KIRREL3: variants seen among roughly 807,000 people sequenced by gnomAD.
KIRREL3 encodes kirre like nephrin family adhesion molecule 3, also known as kin of IRRE-like protein 3.
A neutral mutation model predicts 89.7 loss-of-function variants in KIRREL3; 36 were observed. That is an observed-to-expected ratio of 0.40 (90% CI 0.31 to 0.53). The LOEUF is 0.53. Among genes scored for constraint, KIRREL3 ranks in the 20% least tolerant of loss-of-function variants. KIRREL3 has a pLI of 0.49. For synonymous variants in KIRREL3, 445 were observed against 441.4 expected (o/e 1.01, Z -0.10); for missense variants, 864 against 1,056.6 (o/e 0.82, Z 2.53).
intron 1 of KIRREL3, among the ~76,000 whole-genome samples, chr11:126,743,439 A>G (rs890338461): frequency 1.3e-5 from 2 of 152,246 alleles, no homozygotes; most frequent in Admixed American, 1.3e-4. Context: ...CATCCATGCT[A>G]TCAGAGGTAT....
rs551174412 is a variant in KIRREL3, at chr11:126,569,899, T to C, written c.56-6987A>G. Among the ~76,000 whole-genome samples, 1 of 152,294 alleles carries C rather than the reference T, an allele frequency of 6.6e-6. No homozygotes were observed. Among genetic ancestry groups the C allele is most frequent in the East Asian group, 1.9e-4 (1 of 5,186 alleles). ...CTGATTGCAGAATGATGGGGTCTTC[T>C]GTTTGGAAAGTTTTCACTTTGATTC... On this transcript the variant is annotated intron_variant, in intron 1 of 16. Transcript: ENST00000525144. The surrounding 1 kb of genome is among the most constrained non-coding windows in gnomAD (Gnocchi z 6.5).
Position 126,476,651 on chromosome 11 carries a change from T to TGGGGGTGGGGGCTGGGG in KIRREL3, c.434-3202_434-3186dup, listed in dbSNP as rs1447848541. ...GGTCTTCGCTTCACTGCACACCAGA[T>TGGGGGTGGGGGCTGGGG]GGGGGTGGGGGCTGGGGGGGGGTGG... On this transcript the variant is annotated intron_variant, in intron 4 of 16. Transcript: ENST00000525144. This position sits in a 1 kb window ranked among gnomAD's most constrained non-coding sequence, Gnocchi z 6.4. Among the ~76,000 whole-genome samples, 1 of 7,298 alleles carries TGGGGGTGGGGGCTGGGG rather than the reference T, an allele frequency of 1.4e-4. No homozygotes were observed. The highest frequency in any genetic ancestry group is 4.8e-3 in the South Asian group (1 of 208). The allele number at this position is 7,298 out of a possible 152,430, so 4.8% of individuals were successfully genotyped here.
chr11:126,792,035 C>A (rs1179958631), intron 1 of KIRREL3, among the ~76,000 whole-genome samples: 1 of 152,180 alleles, frequency 6.6e-6, no homozygotes, highest in Non-Finnish European at 1.5e-5. Context: ...CCAACCCCAG[C>A]CTCCCTTTTG....
Position 126,923,176 on chromosome 11 carries a change from C to CTTCTTCTTCTCT in KIRREL3, c.55+77278_55+77279insAGAGAAGAAGAA, listed in dbSNP as rs766266024. 5.6e-3 allele frequency among the ~76,000 whole-genome samples: 101 copies of CTTCTTCTTCTCT among 17,992 alleles called. 21 individuals are homozygous for CTTCTTCTTCTCT. Among genetic ancestry groups the CTTCTTCTTCTCT allele is most frequent in the African/African-American group, 0.012 (51 of 4,260 alleles). The allele number at this position is 17,992 out of a possible 152,430, so 11.8% of individuals were successfully genotyped here. A position where few individuals can be genotyped will look rare whatever the true frequency, so the allele number is the denominator to read the frequency against. ...TCTTCTTCTTCTTCTTCTTCTTCTT[C>CTTCTTCTTCTCT]TCTTCTTCTTCTCTTCTTCTTCTTC... On this transcript the variant is annotated intron_variant, in intron 1 of 16. Coordinates refer to ENST00000525144, the MANE Select transcript of KIRREL3 (RefSeq NM_032531.4).
chr11:126,451,027 G>C (rs908222043), intron 7 of KIRREL3, among the ~76,000 whole-genome samples: 1 of 151,796 alleles, frequency 6.6e-6, no homozygotes, highest in Non-Finnish European at 1.5e-5. Flanking sequence ...GTGTCCATGT[G>C]CATGTGTACA....
rs201119633 is a variant in KIRREL3 at position 126,446,848 on chromosome 11, C to T, written c.1036G>A (p.Val346Met). Reference protein sequence around the residue: ...RMTTEPQSLLVDLGSDAIFSC... With the variant: ...RMTTEPQSLLMDLGSDAIFSC... ...AAGATGGCATCAGAGCCCAGATCCA[C>T]GAGCAAGGATTGGGGTTCTGTGGTC... Residue 346 changes from valine to methionine, a missense_variant, in exon 9 of 17, where the codon GTG (valine) becomes ATG (methionine). Transcript: ENST00000525144. The T allele has an allele frequency of 2.4e-5, 38 of 1,603,416 alleles. 1 individual carries two copies. The highest frequency in any genetic ancestry group is 1.6e-4 in the Middle Eastern group (1 of 6,072).
In KIRREL3 at chr11:126,970,128, C is replaced by T. The variant is rs2135210538; in HGVS notation, c.55+30327G>A. 6.6e-6 allele frequency among the ~76,000 whole-genome samples: 1 copy of T among 152,290 alleles called. No individual in the cohort carries two copies. Among genetic ancestry groups the T allele is most frequent in the South Asian group, 2.1e-4 (1 of 4,830 alleles). Reference sequence around the variant, plus strand: ...CAGCCTCTCTACCACTGCCCCTGCCCCCTCAGGGATATATCATGCATTTGA... The same window carrying T: ...CAGCCTCTCTACCACTGCCCCTGCCTCCTCAGGGATATATCATGCATTTGA... On this transcript the variant is annotated intron_variant, in intron 1 of 16. Transcript: ENST00000525144. This position sits in a 1 kb window ranked among gnomAD's most constrained non-coding sequence, Gnocchi z 4.4.
intron 2 of KIRREL3, among the ~76,000 whole-genome samples, chr11:126,539,001 C>T (rs963445381): frequency 2.6e-5 from 4 of 152,156 alleles, no homozygotes; most frequent in Non-Finnish European, 5.9e-5. Flanking sequence ...GAACAGCTTA[C>T]GTCAAGTGTG....
intron 1 of KIRREL3, among the ~76,000 whole-genome samples, chr11:126,725,162 G>A (rs1457830085): frequency 6.6e-6 from 1 of 152,212 alleles, no homozygotes; most frequent in African/African-American, 2.4e-5. Flanking sequence ...TAACCACTGA[G>A]GCAGCAGGCC....
chr11:126,579,760 C>T lies in KIRREL3; in HGVS notation c.56-16848G>A, dbSNP rs1446665613. Among the ~76,000 whole-genome samples, 2 of 152,100 alleles carry T rather than the reference C, an allele frequency of 1.3e-5. No individual in the cohort carries two copies. The highest frequency in any genetic ancestry group is 6.5e-5 in the Admixed American group (1 of 15,270). ...CCAACCACCCTCTCTGCTCTCATGA[C>T]CCCCTGCCTCTCTCCACCTCTGCGT... On this transcript the variant is annotated intron_variant, in intron 1 of 16. Coordinates refer to ENST00000525144, the MANE Select transcript of KIRREL3 (RefSeq NM_032531.4). This position sits in a 1 kb window ranked among gnomAD's most constrained non-coding sequence, Gnocchi z 5.3.
rs1250634059 is a variant in KIRREL3 at position 126,655,100 on chromosome 11, C to T, written c.56-92188G>A. On this transcript the variant is annotated intron_variant, in intron 1 of 16. Coordinates refer to ENST00000525144, the MANE Select transcript of KIRREL3 (RefSeq NM_032531.4). The surrounding 1 kb of genome is among the most constrained non-coding windows in gnomAD (Gnocchi z 5.0). The stretch of plus-strand genomic sequence containing the variant: ...GTGGTGGTGGAGCACATCTGTCTCT[C>T]TCCGTGTTGGTGGCTGTGATTTGGC... Among the ~76,000 whole-genome samples, 2 of 152,220 alleles carry T rather than the reference C, an allele frequency of 1.3e-5. No individual in the cohort carries two copies. Among genetic ancestry groups the T allele is most frequent in the East Asian group, 3.9e-4 (2 of 5,188 alleles).
rs1211389656 is a variant in KIRREL3, at chr11:126,989,205, A to G, written c.55+11250T>C. ...GTAAGGTTTTGCAAAACTTATGCAA[A>G]AAGTTTTCTTTTCTACAAGAGATGC... is the stretch of plus-strand genomic sequence containing the variant. On this transcript the variant is annotated intron_variant, in intron 1 of 16. Coordinates refer to ENST00000525144, the MANE Select transcript of KIRREL3 (RefSeq NM_032531.4). The surrounding 1 kb of genome is among the most constrained non-coding windows in gnomAD (Gnocchi z 6.2). Among the ~76,000 whole-genome samples, 1 of 152,206 alleles carries G rather than the reference A, an allele frequency of 6.6e-6. No homozygotes were observed. Among genetic ancestry groups the G allele is most frequent in the East Asian group, 1.9e-4 (1 of 5,196 alleles).
At position 126,465,506 on chromosome 11, in the gene KIRREL3, C is replaced by G. The variant is rs1956693585; in HGVS notation, c.592-2199G>C. Among the ~76,000 whole-genome samples the G allele has an allele frequency of 6.6e-5, 10 of 152,164 alleles. 1 individual carries two copies. The highest frequency in any genetic ancestry group is 6.5e-4 in the Admixed American group (10 of 15,282). On this transcript the variant is annotated intron_variant, in intron 5 of 16. Transcript: ENST00000525144. ...GAGAAACCTGTAAGCTCCTAGAACCCCACATTCTGGGTCCTTAATTCAGTG... is the reference window on the plus strand; with the variant it reads ...GAGAAACCTGTAAGCTCCTAGAACCGCACATTCTGGGTCCTTAATTCAGTG...
rs778018674 is a variant in KIRREL3, at chr11:126,830,780, G to C, written c.55+169675C>G. Among the ~76,000 whole-genome samples, 11 of 152,152 alleles carry C rather than the reference G, an allele frequency of 7.2e-5. No homozygotes were observed. The highest frequency in any genetic ancestry group is 1.2e-4 in the Non-Finnish European group (8 of 68,014). On this transcript the variant is annotated intron_variant, in intron 1 of 16. Transcript: ENST00000525144. This position sits in a 1 kb window ranked among gnomAD's most constrained non-coding sequence, Gnocchi z 4.9. Reference sequence around the variant, plus strand: ...AATAGTGCACTCCCTGTGCCAAGGAGGGGTATCATTGTTTATGTCACTAAT... The same window carrying C: ...AATAGTGCACTCCCTGTGCCAAGGACGGGTATCATTGTTTATGTCACTAAT...
rs201717805 is a variant in KIRREL3, at chr11:126,766,440, C to T, written c.56-203528G>A. Among the ~76,000 whole-genome samples the T allele has an allele frequency of 1.7e-3, 253 of 152,142 alleles. No homozygotes were observed. The highest frequency in any genetic ancestry group is 3.4e-3 in the Middle Eastern group (1 of 294). On this transcript the variant is annotated intron_variant, in intron 1 of 16. Coordinates refer to ENST00000525144, the MANE Select transcript of KIRREL3 (RefSeq NM_032531.4). The surrounding 1 kb of genome is among the most constrained non-coding windows in gnomAD (Gnocchi z 4.2). ...TTTGCTTTTTCTCTCTTTTCTCCTC[C>T]CTAGGTATGGCATTGTCCCTTTTCT...
At position 126,491,184 on chromosome 11, in the gene KIRREL3, G is replaced by A. The variant is rs552235616; in HGVS notation, c.434-17718C>T. ...TCTGGCGAGTTGCACCTCCCCGGGC[G>A]TCAGCGTCTGCATCTGAAAGTGGGC... is the stretch of plus-strand genomic sequence containing the variant. On this transcript the variant is annotated intron_variant, in intron 4 of 16. Coordinates refer to ENST00000525144, the MANE Select transcript of KIRREL3 (RefSeq NM_032531.4). The surrounding 1 kb of genome is among the most constrained non-coding windows in gnomAD (Gnocchi z 5.5). 1.4e-4 allele frequency among the ~76,000 whole-genome samples: 22 copies of A among 152,316 alleles called. No individual in the cohort carries two copies. The highest frequency in any genetic ancestry group is 6.8e-3 in the Middle Eastern group (2 of 294).
chr11:126,889,160 T>A (rs1945810374), intron 1 of KIRREL3, among the ~76,000 whole-genome samples: 1 of 152,138 alleles, frequency 6.6e-6, no homozygotes, highest in South Asian at 2.1e-4. Context: ...TGCAAACACG[T>A]CCATCACCCC....
In KIRREL3 at chr11:126,643,040, G is replaced by A. The variant is rs974918597; in HGVS notation, c.56-80128C>T. Among the ~76,000 whole-genome samples, 34 of 137,090 alleles carry A rather than the reference G, an allele frequency of 2.5e-4. No homozygotes were observed. Among genetic ancestry groups the A allele is most frequent in the African/African-American group, 9.2e-4 (32 of 34,960 alleles). The allele number at this position is 137,090 out of a possible 152,430, so 89.9% of individuals were successfully genotyped here. On this transcript the variant is annotated intron_variant, in intron 1 of 16. Transcript: ENST00000525144. This position sits in a 1 kb window ranked among gnomAD's most constrained non-coding sequence, Gnocchi z 4.5. ...CATCTATCCATCCATCCAATGCAAG[G>A]CATATTGTAATAAAGGAGACACAAC...
rs1350233562 is a variant in KIRREL3, at chr11:126,797,788, G to C, written c.55+202667C>G. 6.6e-6 allele frequency among the ~76,000 whole-genome samples: 1 copy of C among 152,148 alleles called. No individual in the cohort carries two copies. On this transcript the variant is annotated intron_variant, in intron 1 of 16. Transcript: ENST00000525144. The surrounding 1 kb of genome is among the most constrained non-coding windows in gnomAD (Gnocchi z 4.9). ...GAACCTGTTTTCTGATTCGTATTTT[G>C]TCCTTGTAAATCAGAAGCACCGGGA...
Sources: allele counts gnomAD v4.1 joint callset (sites outside exome capture counted in the v4.1 genomes callset), GRCh38; gene constraint gnomAD v4.1.1; non-coding constraint Gnocchi (gnomAD v3.1); transcripts MANE v1.5; gene names NCBI Gene and HGNC (gene_info 2026-07-23, HGNC 2026-07-21).